AXIN2: variants seen among roughly 807,000 people sequenced by gnomAD.
AXIN2 encodes the protein axin 2, also known as axin-2.
AXIN2 carries 21 observed loss-of-function variants against 74.7 expected under a neutral mutation model. The ratio of observed to expected loss-of-function variants is 0.28; its 90% confidence interval spans 0.20 to 0.40. AXIN2 has a LOEUF of 0.40. AXIN2 is among the 10% of genes least tolerant of loss of function. The pLI, the probability that AXIN2 is intolerant of heterozygous loss-of-function variation, is 1.00. For synonymous variants in AXIN2, 532 were observed against 454.9 expected, an observed-to-expected ratio of 1.17 and a Z score of -2.16; for missense variants, 1,144 against 1,111.1, an observed-to-expected ratio of 1.03 and a Z score of -0.42.
At chr17:65,545,956 G>A (rs1269648503) in intron 3 of AXIN2, among the ~76,000 whole-genome samples, 1 of 152,082 alleles carries the variant, frequency 6.6e-6, no homozygotes, top group African/African-American at 2.4e-5. Context: ...TGGTTCTGTC[G>A]CAAATGAGAC....
At chr17:65,544,590 CTCTCT>C (rs1246249234) in intron 3 of AXIN2, among the ~76,000 whole-genome samples, 1 of 152,150 alleles carries the variant, frequency 6.6e-6, no homozygotes, top group Non-Finnish European at 1.5e-5. Context: ...AAAAGGGGGC[CTCTCT>C]TCTTTTATTC....
At chr17:65,554,684 C>G (rs2044241788) in intron 2 of AXIN2, among the ~76,000 whole-genome samples, 1 of 152,226 alleles carries the variant, frequency 6.6e-6, no homozygotes, top group Non-Finnish European at 1.5e-5. Context: ...GCACTCGGAG[C>G]CAGCAGAGGG....
chr17:65,561,003 G>C, intron 1 of AXIN2: 1 of 148,822 alleles, frequency 6.7e-6, no homozygotes, highest in Non-Finnish European at 1.5e-5. Context: ...ACAATCCCGG[G>C]TTCAGAGCGA....
Position 65,558,581 on chromosome 17 carries a change from TG to T in AXIN2, c.39del (p.Ser14AlafsTer62). Reference protein sequence around the residue: ...SAMLVTCLPDPSSSFREDAPR... With the variant: ...SAMLVTCLPDXSSSFREDAPR... ...GGGGCATCCTCACGGAAGCTGCTGCTGGGGTCCGGGAGGCAAGTCACCAACA... is the reference window on the plus strand; with the variant it reads ...GGGGCATCCTCACGGAAGCTGCTGCTGGGTCCGGGAGGCAAGTCACCAACA... On this transcript the variant is annotated frameshift_variant, in exon 2 of 11. Transcript: ENST00000307078. LOFTEE classifies it high-confidence loss of function. 6.2e-7 allele frequency: 1 copy of T among 1,611,402 alleles called. No individual in the cohort carries two copies.
intron 3 of AXIN2, among the ~76,000 whole-genome samples, chr17:65,547,445 T>G (rs2044133580): frequency 6.6e-6 from 1 of 152,168 alleles, no homozygotes; most frequent in African/African-American, 2.4e-5. Flanking sequence ...CAGGCCTTAT[T>G]TCCTCATCTG....
At position 65,533,936 on chromosome 17, in the gene AXIN2, T is replaced by C. The variant is rs2144418412; in HGVS notation, c.2381A>G (p.Gln794Arg). 1 of 1,614,124 alleles carries C rather than the reference T, an allele frequency of 6.2e-7. No individual in the cohort carries two copies. Residue 794 changes from glutamine (Q) to arginine (R), a missense_variant, in exon 10 of 11, where the codon CAG (glutamine) becomes CGG (arginine). This residue lies in a region of AXIN2 where 65 missense variants were observed against 95.7 expected (regional missense o/e 0.68). Coordinates refer to ENST00000307078, the MANE Select transcript of AXIN2 (RefSeq NM_004655.4). ...CCTATAATTTCCCTTTTTGCTGAGC[T>C]GCTCTTTAAAGTGGCCCAGGGTCAA... The part of the protein sequence containing the change: ...QSLTLGHFKE[Q>R]LSKKGNYRYY...
At chr17:65,549,033 C>T (rs2044154813) in intron 3 of AXIN2, among the ~76,000 whole-genome samples, 1 of 152,168 alleles carries the variant, frequency 6.6e-6, no homozygotes, top group Non-Finnish European at 1.5e-5. Flanking sequence ...TTAGAGATTT[C>T]TGGCTTTCTC....
chr17:65,541,852 T>A (rs1259850901), intron 3 of AXIN2, among the ~76,000 whole-genome samples: 1 of 152,220 alleles, frequency 6.6e-6, no homozygotes, highest in Non-Finnish European at 1.5e-5. Context: ...AGAACTGGGT[T>A]ACACTCCAGC....
intron 4 of AXIN2, among the ~76,000 whole-genome samples, chr17:65,539,786 T>G (rs541990143): frequency 2.0e-5 from 3 of 152,288 alleles, no homozygotes; most frequent in African/African-American, 7.2e-5. Context: ...GCAGGAAGGA[T>G]TCATAAACAC....
chr17:65,538,158 CTCACGCCGT>C, intron 5 of AXIN2, 36 bp downstream of exon 5: 1 of 1,613,746 alleles, frequency 6.2e-7, no homozygotes, highest in Non-Finnish European at 8.5e-7. Context: ...CATACGAGCG[CTCACGCCGT>C]GGACGGAAGC....
intron 3 of AXIN2, among the ~76,000 whole-genome samples, chr17:65,543,498 G>A (rs146722850): frequency 1.3e-3 from 202 of 152,258 alleles, no homozygotes; most frequent in Middle Eastern, 3.4e-3. Flanking sequence ...CCTACTGTAC[G>A]TCAGACATTG....
intron 2 of AXIN2, among the ~76,000 whole-genome samples, chr17:65,556,323 G>T (rs1215855739): frequency 2.6e-5 from 4 of 152,190 alleles, no homozygotes; most frequent in African/African-American, 9.7e-5. Context: ...AGGCTAGAGG[G>T]CAAGGAGGCC....
chr17:65,543,832 A>G (rs1312427289), intron 3 of AXIN2, among the ~76,000 whole-genome samples: 1 of 152,120 alleles, frequency 6.6e-6, no homozygotes, highest in Non-Finnish European at 1.5e-5. Context: ...GTCCTCCCCA[A>G]CCACCTAGTA....
chr17:65,537,311 G>A lies in AXIN2; in HGVS notation c.1712+13C>T, dbSNP rs778440284. Reference sequence around the variant, plus strand: ...AGCCCCACACGGGACACTGCGGTCCGCCCGGCACTTACCCAAACTGCTCGC... The same window carrying A: ...AGCCCCACACGGGACACTGCGGTCCACCCGGCACTTACCCAAACTGCTCGC... On this transcript the variant is annotated intron_variant, in intron 6 of 10. Coordinates refer to ENST00000307078, the MANE Select transcript of AXIN2 (RefSeq NM_004655.4). 1.2e-5 allele frequency: 20 copies of A among 1,613,638 alleles called. No homozygotes were observed. The highest frequency in any genetic ancestry group is 1.6e-5 in the Non-Finnish European group (19 of 1,180,032).
chr17:65,532,355 A>G lies in AXIN2; in HGVS notation c.2405+1557T>C, dbSNP rs186972206. ...GAAGTCCAGCCGAGACAAAGCCAAGATCAAAATGAATCCCCAGAGGGACAC... is the reference window on the plus strand; with the variant it reads ...GAAGTCCAGCCGAGACAAAGCCAAGGTCAAAATGAATCCCCAGAGGGACAC... On this transcript the variant is annotated intron_variant, in intron 10 of 10. Coordinates refer to ENST00000307078, the MANE Select transcript of AXIN2 (RefSeq NM_004655.4). 3.6e-4 allele frequency among the ~76,000 whole-genome samples: 55 copies of G among 152,342 alleles called. 2 individuals carry two copies. The East Asian group carries it at 9.6e-3, about 27-fold the overall frequency.
chr17:65,533,806 CACCCTG>C, intron 10 of AXIN2, 100 bp downstream of exon 10: 36 of 876,124 alleles, frequency 4.1e-5, no homozygotes, highest in East Asian at 6.7e-5. Flanking sequence ...AGCCCCCTCC[CACCCTG>C]CCCCACCTAG....
intron 1 of AXIN2, chr17:65,561,137 G>A (rs1451954212): frequency 2.0e-5 from 3 of 149,872 alleles, no homozygotes; most frequent in Non-Finnish European, 4.5e-5. Context: ...GCAGTCACTC[G>A]GCGCACCAAA....
At chr17:65,538,123 C>A (rs1308520858) in intron 5 of AXIN2, 80 bp downstream of exon 5, 3 of 1,601,774 alleles carry the variant, frequency 1.9e-6, no homozygotes, top group Non-Finnish European at 2.6e-6. Flanking sequence ...CACACCCTAA[C>A]GCACCCCATG....
At chr17:65,553,370 A>G (rs3923086) in intron 2 of AXIN2, among the ~76,000 whole-genome samples, 1 of 151,942 alleles carries the variant, frequency 6.6e-6, no homozygotes, top group African/African-American at 2.4e-5. Flanking sequence ...AATAGCATTC[A>G]AACACTCTTT....
Sources: gnomAD v4.1 joint callset for allele counts (sites outside exome capture counted in the v4.1 genomes callset) on GRCh38, gnomAD v4.1.1 for gene constraint, gnomAD v4.1.1 regional missense constraint, MANE v1.5 for transcripts, NCBI Gene and HGNC (gene_info 2026-07-23, HGNC 2026-07-21) for gene names.